SYT1: variants seen among roughly 807,000 people sequenced by gnomAD.
The protein encoded by SYT1 is synaptotagmin-1.
In SYT1, 8 loss-of-function variants were observed where a neutral mutation model predicts 44.8. The ratio of observed to expected loss-of-function variants is 0.18; its 90% CI spans 0.10 to 0.32. SYT1 has a LOEUF of 0.32. Among genes scored for constraint, SYT1 ranks in the 10% least tolerant of loss-of-function variants. The pLI, the probability that SYT1 is intolerant of heterozygous loss-of-function variation, is 1.00. For missense variants in SYT1, 286 were observed against 509.3 expected, an observed-to-expected ratio of 0.56 and a Z score of 4.22; for synonymous variants, 154 against 188.8, an observed-to-expected ratio of 0.82 and a Z score of 1.51.
At chr12:79,215,408 A>T (rs1488248109) in intron 3 of SYT1, among the ~76,000 whole-genome samples, 1 of 152,164 alleles carries the variant, frequency 6.6e-6, no homozygotes, top group Admixed American at 6.5e-5. Flanking sequence ...AACCTTACAG[A>T]TTTGGTCTGA....
At chr12:78,897,222 G>A (rs1174372811) in intron 1 of SYT1, among the ~76,000 whole-genome samples, 1 of 151,636 alleles carries the variant, frequency 6.6e-6, no homozygotes, top group East Asian at 1.9e-4. Flanking sequence ...ATAACACTTA[G>A]AAAATATTCA....
intron 4 of SYT1, 117 bp downstream of exon 4, chr12:79,217,802 A>G: frequency 2.6e-6 from 2 of 762,430 alleles, no homozygotes; most frequent in Non-Finnish European, 3.8e-6. Context: ...ATTTATTACT[A>G]TGGGAATGAT....
At chr12:79,032,431 T>C (rs1565772273) in intron 2 of SYT1, among the ~76,000 whole-genome samples, 1 of 151,298 alleles carries the variant, frequency 6.6e-6, no homozygotes, top group Non-Finnish European at 1.5e-5. Flanking sequence ...AATTTGTTGA[T>C]GTTTGCCTGT....
intron 3 of SYT1, among the ~76,000 whole-genome samples, chr12:79,131,393 T>C (rs1868812092): frequency 1.3e-5 from 2 of 151,960 alleles, no homozygotes; most frequent in Admixed American, 1.3e-4. Flanking sequence ...AGGGTTTTTT[T>C]GTTTGTTTGT....
At chr12:79,371,571 G>A (rs1191413050) in intron 9 of SYT1, among the ~76,000 whole-genome samples, 1 of 152,156 alleles carries the variant, frequency 6.6e-6, no homozygotes, top group Non-Finnish European at 1.5e-5. Context: ...GGAAAATAAT[G>A]TCCAGAAGGA....
intron 8 of SYT1, among the ~76,000 whole-genome samples, chr12:79,323,291 G>T (rs1263403827): frequency 1.3e-5 from 2 of 152,136 alleles, no homozygotes; most frequent in Non-Finnish European, 2.9e-5. Context: ...GATTCCTGAA[G>T]CTATGAACTA....
At chr12:78,937,913 A>G (rs1358110596) in intron 1 of SYT1, among the ~76,000 whole-genome samples, 1 of 151,982 alleles carries the variant, frequency 6.6e-6, no homozygotes, top group East Asian at 1.9e-4. Flanking sequence ...ATTAGGTATG[A>G]TTTTCCAGTT....
intron 1 of SYT1, among the ~76,000 whole-genome samples, chr12:78,924,508 C>T (rs919931207): frequency 6.6e-6 from 1 of 151,194 alleles, no homozygotes; most frequent in Non-Finnish European, 1.5e-5. Context: ...CGAGTTTCCA[C>T]CTGAAAAACA....
At chr12:78,902,298 GAA>G (rs554405706) in intron 1 of SYT1, among the ~76,000 whole-genome samples, 1 of 151,590 alleles carries the variant, frequency 6.6e-6, no homozygotes, top group Non-Finnish European at 1.5e-5. Flanking sequence ...ACTGATTCTT[GAA>G]AAAATGACAA....
At chr12:79,222,640 C>A (rs1035199917) in intron 4 of SYT1, among the ~76,000 whole-genome samples, 1 of 152,306 alleles carries the variant, frequency 6.6e-6, no homozygotes, top group Non-Finnish European at 1.5e-5. Context: ...ACCTTGGCAT[C>A]CTAAAGTGCT....
intron 3 of SYT1, among the ~76,000 whole-genome samples, chr12:79,055,982 C>G (rs1313506858): frequency 6.6e-6 from 1 of 151,910 alleles, no homozygotes; most frequent in Non-Finnish European, 1.5e-5. Context: ...TGTTAAGATG[C>G]ACAGATACTT....
chr12:79,364,892 T>C (rs1202788886), intron 9 of SYT1, among the ~76,000 whole-genome samples: 1 of 152,154 alleles, frequency 6.6e-6, no homozygotes, highest in Non-Finnish European at 1.5e-5. Flanking sequence ...GCAGCTGTCA[T>C]TTTTAGAGAA....
intron 1 of SYT1, among the ~76,000 whole-genome samples, chr12:78,939,689 C>T (rs1454309610): frequency 6.6e-6 from 1 of 152,128 alleles, no homozygotes; most frequent in Non-Finnish European, 1.5e-5. Context: ...TCTGCACTTA[C>T]CAAGAATATT....
At chr12:78,985,307 C>T (rs576141689) in intron 2 of SYT1, among the ~76,000 whole-genome samples, 68 of 151,934 alleles carry the variant, frequency 4.5e-4, no homozygotes, top group African/African-American at 1.5e-3. Flanking sequence ...AATATGAACA[C>T]TATCACAATT....
intron 8 of SYT1, among the ~76,000 whole-genome samples, chr12:79,325,276 G>T (rs1470490643): frequency 6.6e-6 from 1 of 152,164 alleles, no homozygotes; most frequent in African/African-American, 2.4e-5. Context: ...AGAGTTCCTG[G>T]TATTTACAGT....
In SYT1 at chr12:79,318,974, G is replaced by A. The variant is rs373049690; in HGVS notation, c.810+19423G>A. ...ATAGAAAGCAGACTTTGAAATGCCC[G>A]CCTGATATAAAATAAACATTAATAT... On this transcript the variant is annotated intron_variant, in intron 8 of 10. Coordinates refer to ENST00000261205, the MANE Select transcript of SYT1 (RefSeq NM_005639.3). Among the ~76,000 whole-genome samples the A allele has an allele frequency of 1.2e-4, 18 of 152,196 alleles. 1 individual carries two copies. Among genetic ancestry groups the A allele is most frequent in the African/African-American group, 2.9e-4 (12 of 41,524 alleles).
intron 1 of SYT1, chr12:78,964,196 GAATA>G (rs1181662827): frequency 1.3e-5 from 2 of 152,106 alleles, no homozygotes; most frequent in African/African-American, 2.4e-5. Context: ...AAAGATGAAT[GAATA>G]ATTAATTGAA....
intron 3 of SYT1, among the ~76,000 whole-genome samples, chr12:79,091,042 A>C (rs1442958921): frequency 2.0e-5 from 3 of 151,942 alleles, no homozygotes; most frequent in African/African-American, 7.2e-5. Context: ...TATACATGTA[A>C]ATTTATTTTA....
intron 1 of SYT1, among the ~76,000 whole-genome samples, chr12:78,885,348 GA>G: frequency 3.4e-5 from 5 of 146,912 alleles, no homozygotes; most frequent in African/African-American, 1.3e-4. Flanking sequence ...AGAAAGGAAG[GA>G]AGGAACGAAG....
Sources: allele counts gnomAD v4.1 joint callset (sites outside exome capture counted in the v4.1 genomes callset), GRCh38; gene constraint gnomAD v4.1.1; transcripts MANE v1.5; gene names NCBI Gene and HGNC (gene_info 2026-07-23, HGNC 2026-07-21).